Variants in SGCD observed in about 807,000 individuals in gnomAD.
SGCD encodes delta-sarcoglycan.
In SGCD, 18 loss-of-function variants were observed where a neutral mutation model predicts 36.6. The ratio of observed to expected loss-of-function variants is 0.49; its 90% CI spans 0.34 to 0.73. The LOEUF (loss-of-function observed/expected upper bound fraction) is 0.73, where lower values mean the gene tolerates loss of function less well. Ranked by LOEUF, SGCD falls within the 30% of genes least tolerant of loss-of-function variation. SGCD has a pLI of 0.01. For missense variants in SGCD, 387 were observed against 346.7 expected (o/e 1.12, Z -0.92); for synonymous variants, 133 against 130.6 (o/e 1.02, Z -0.12).
chr5:156,661,450 A>G (rs1259221036), intron 7 of SGCD, among the ~76,000 whole-genome samples: 17 of 133,226 alleles, frequency 1.3e-4, no homozygotes, highest in African/African-American at 5.0e-4. Context: ...TGTACTACAT[A>G]TGCAGAATCT....
intron 7 of SGCD, among the ~76,000 whole-genome samples, chr5:156,730,269 T>G (rs1411489653): frequency 6.6e-6 from 1 of 152,214 alleles, no homozygotes; most frequent in Admixed American, 6.5e-5. Flanking sequence ...AGTACAGGTT[T>G]GTTACATAGG....
intron 3 of SGCD, among the ~76,000 whole-genome samples, chr5:156,215,029 T>C (rs1055286994): frequency 6.6e-6 from 1 of 152,046 alleles, no homozygotes; most frequent in South Asian, 2.1e-4. Flanking sequence ...AAATCTGAAA[T>C]ACCTCAAAAT....
the SGCD span, among the ~76,000 whole-genome samples, chr5:155,794,315 C>CA: frequency 2.3e-4 from 35 of 150,766 alleles, no homozygotes; most frequent in African/African-American, 4.9e-4. Context: ...TATTACTGAC[C>CA]AAAAAAAATC....
intron 7 of SGCD, among the ~76,000 whole-genome samples, chr5:156,754,669 A>C (rs1757272513): frequency 6.6e-6 from 1 of 152,188 alleles, no homozygotes; most frequent in Admixed American, 6.5e-5. Flanking sequence ...TTTTACTAGG[A>C]GTATAACCAT....
chr5:156,527,649 G>T (rs892152528), intron 4 of SGCD, among the ~76,000 whole-genome samples: 1 of 152,160 alleles, frequency 6.6e-6, no homozygotes, highest in African/African-American at 2.4e-5. Context: ...GCTGGATCTG[G>T]ATATAATCAA....
At chr5:156,265,685 G>A (rs1175981576) in intron 3 of SGCD, among the ~76,000 whole-genome samples, 1 of 151,266 alleles carries the variant, frequency 6.6e-6, no homozygotes, top group African/African-American at 2.4e-5. Context: ...ATAATAGTGT[G>A]TTATATATTC....
chr5:156,693,617 A>G (rs1754197530), intron 7 of SGCD, among the ~76,000 whole-genome samples: 1 of 152,182 alleles, frequency 6.6e-6, no homozygotes, highest in South Asian at 2.1e-4. Flanking sequence ...AACATAGTGT[A>G]GTGATGAAAA....
chr5:155,979,957 T>G (rs886947457), intron 1 of SGCD, among the ~76,000 whole-genome samples: 1 of 152,146 alleles, frequency 6.6e-6, no homozygotes, highest in Non-Finnish European at 1.5e-5. Flanking sequence ...GTGGGGCCAT[T>G]GATAACACTC....
At chr5:156,589,169 G>A in intron 4 of SGCD, 62 bp from the exon 5 acceptor site, 1 of 1,231,076 alleles carries the variant, frequency 8.1e-7, no homozygotes, top group South Asian at 1.3e-5. Flanking sequence ...GAGTTGTAAT[G>A]ACAGTTCTTT....
At chr5:156,661,668 G>A (rs1187308338) in intron 7 of SGCD, among the ~76,000 whole-genome samples, 1 of 149,460 alleles carries the variant, frequency 6.7e-6, no homozygotes, top group Non-Finnish European at 1.5e-5. Context: ...AATCCAAGTA[G>A]TCAATTTTAA....
In SGCD at chr5:156,368,549, C is replaced by G. The variant is rs556227841; in HGVS notation, c.192+23872C>G. Among the ~76,000 whole-genome samples the G allele has an allele frequency of 8.5e-5, 13 of 152,298 alleles. No homozygotes were observed. The South Asian group carries it at 2.1e-3, about 24-fold the overall frequency. ...TATTCTGTCAAGGCTTCTGTAGCTT[C>G]ATTTTTTTAAATGGCAGTACTTCTG... On this transcript the variant is annotated intron_variant, in intron 3 of 8. Coordinates refer to ENST00000337851, the MANE Select transcript of SGCD (RefSeq NM_000337.6).
Position 156,368,805 on chromosome 5 carries a change from T to C in SGCD, c.192+24128T>C, listed in dbSNP as rs192745975. Among the ~76,000 whole-genome samples, 303 of 152,316 alleles carry C rather than the reference T, an allele frequency of 2.0e-3. 2 individuals are homozygous for C. The Middle Eastern group carries it at 0.044, about 22-fold the overall frequency. Reference sequence around the variant, plus strand: ...GTCACTGTCTCTCATCACCCCCAGATTGGACTGTATGGTTGCAGGAAAACA... The same window carrying C: ...GTCACTGTCTCTCATCACCCCCAGACTGGACTGTATGGTTGCAGGAAAACA... On this transcript the variant is annotated intron_variant, in intron 3 of 8. Transcript: ENST00000337851.
chr5:156,034,499 T>A (rs532973778), intron 1 of SGCD, among the ~76,000 whole-genome samples: 1 of 152,216 alleles, frequency 6.6e-6, no homozygotes, highest in East Asian at 1.9e-4. Flanking sequence ...GTTATCTTCA[T>A]CTGTAAAAGA....
intron 3 of SGCD, among the ~76,000 whole-genome samples, chr5:156,499,340 T>C (rs1015795410): frequency 3.3e-5 from 5 of 152,324 alleles, no homozygotes. Flanking sequence ...TTTTTTTCTC[T>C]TGCAATTAGA....
intron 3 of SGCD, among the ~76,000 whole-genome samples, chr5:156,217,287 T>A (rs1764600642): frequency 6.6e-6 from 1 of 152,146 alleles, no homozygotes; most frequent in Admixed American, 6.5e-5. Context: ...ACTGTGAAAA[T>A]TTTTAAATTT....
At chr5:155,750,611 C>T in the SGCD span, among the ~76,000 whole-genome samples, 3 of 152,118 alleles carry the variant, frequency 2.0e-5, no homozygotes, top group African/African-American at 7.2e-5. Flanking sequence ...GGCAGTTTCC[C>T]AGAAGAATGA....
intron 1 of SGCD, among the ~76,000 whole-genome samples, chr5:155,917,981 A>G (rs1010625051): frequency 6.6e-6 from 1 of 152,094 alleles, no homozygotes; most frequent in African/African-American, 2.4e-5. Context: ...TTTGTGTTCT[A>G]TTTTTTGGCC....
Position 156,765,668 on chromosome 5 carries a change from T to C in SGCD, c.*6278T>C, listed in dbSNP as rs1256826429. 6.6e-6 allele frequency: 1 copy of C among 152,178 alleles called. No individual in the cohort carries two copies. The highest frequency in any genetic ancestry group is 1.9e-4 in the East Asian group (1 of 5,198). The allele number at this position is 152,178 out of a possible 1,614,324, so 9.4% of individuals were successfully genotyped here. Reference sequence around the variant, plus strand: ...CCTTTGAGTTGGGTTTTAATATAGTTCCAATATTCGGATGTGAAAACTGAG... The same window carrying C: ...CCTTTGAGTTGGGTTTTAATATAGTCCCAATATTCGGATGTGAAAACTGAG... On this transcript the variant is annotated 3_prime_UTR_variant, in exon 9 of 9. Coordinates refer to ENST00000337851, the MANE Select transcript of SGCD (RefSeq NM_000337.6).
At chr5:156,056,659 A>AAAAAAAAAAAAAAAACAAAAAAC (rs1330447322) in intron 1 of SGCD, among the ~76,000 whole-genome samples, 10 of 142,000 alleles carry the variant, frequency 7.0e-5, no homozygotes, top group African/African-American at 2.6e-4. Context: ...AAAAAAAAAA[A>AAAAAAAAAAAAAAAACAAAAAAC]AAAAAACAGT....
Sources: allele counts gnomAD v4.1 joint callset (sites outside exome capture counted in the v4.1 genomes callset), GRCh38; gene constraint gnomAD v4.1.1; transcripts MANE v1.5; gene names NCBI Gene and HGNC (gene_info 2026-07-23, HGNC 2026-07-21).